CCDC175: variants seen among roughly 807,000 people sequenced by gnomAD.
The protein encoded by CCDC175 is coiled-coil domain containing 175, also known as coiled-coil domain-containing protein 175.
Under a neutral mutation model 114.6 loss-of-function variants are expected in CCDC175, and 100 were observed. That is an observed-to-expected ratio of 0.87 (90% CI 0.74 to 1.03). The LOEUF is 1.03. CCDC175 is among the 50% of genes least tolerant of loss of function. The pLI, the probability that CCDC175 is intolerant of heterozygous loss-of-function variation, is 0.00. For synonymous variants in CCDC175, 306 were observed against 308.7 expected, an observed-to-expected ratio of 0.99 and a Z score of 0.09; for missense variants, 880 against 917.8, an observed-to-expected ratio of 0.96 and a Z score of 0.53.
chr14:59,575,708 C>T (rs1454428745), intron 1 of CCDC175, among the ~76,000 whole-genome samples: 1 of 152,074 alleles, frequency 6.6e-6, no homozygotes, highest in Non-Finnish European at 1.5e-5. Context: ...CGGGGTTTCA[C>T]CATGTTGGCC....
At chr14:59,553,027 T>C (rs994267234) in intron 7 of CCDC175, among the ~76,000 whole-genome samples, 1 of 152,106 alleles carries the variant, frequency 6.6e-6, no homozygotes, top group African/African-American at 2.4e-5. Context: ...TGGAACCAAG[T>C]TGGAAAACAC....
At chr14:59,540,543 A>G (rs1894711531) in intron 11 of CCDC175, 132 bp downstream of exon 11, 2 of 1,018,430 alleles carry the variant, frequency 2.0e-6, no homozygotes, top group Non-Finnish European at 1.4e-6. Context: ...GAGAGAATTT[A>G]CACATAATTT....
intron 8 of CCDC175, 97 bp downstream of exon 8, chr14:59,551,258 A>G (rs1471120432): frequency 3.2e-6 from 2 of 616,284 alleles, no homozygotes; most frequent in Non-Finnish European, 2.5e-6. Context: ...AATGAAAAAC[A>G]TCCTTTTGAA....
chr14:59,519,154 A>G (rs1893280520), intron 17 of CCDC175, among the ~76,000 whole-genome samples: 1 of 152,060 alleles, frequency 6.6e-6, no homozygotes, highest in Non-Finnish European at 1.5e-5. Context: ...AACATCACAT[A>G]CCAGGGCCTG....
chr14:59,533,526 T>C (rs1894193087), intron 13 of CCDC175, among the ~76,000 whole-genome samples: 2 of 152,206 alleles, frequency 1.3e-5, no homozygotes. Flanking sequence ...CCTTAACTAA[T>C]ACACCGATAT....
chr14:59,547,822 C>T (rs1022354410), intron 8 of CCDC175, among the ~76,000 whole-genome samples: 1 of 152,048 alleles, frequency 6.6e-6, no homozygotes, highest in Non-Finnish European at 1.5e-5. Context: ...AACTGGACTT[C>T]ATTAAAATTA....
At chr14:59,542,777 C>G (rs1467347109) in intron 10 of CCDC175, among the ~76,000 whole-genome samples, 1 of 151,874 alleles carries the variant, frequency 6.6e-6, no homozygotes, top group African/African-American at 2.4e-5. Flanking sequence ...AACATTTTAC[C>G]TTATTTGTTT....
At chr14:59,538,612 C>CT (rs1894556088) in intron 12 of CCDC175, 93 bp downstream of exon 12, 1 of 1,098,832 alleles carries the variant, frequency 9.1e-7, no homozygotes, top group Non-Finnish European at 1.2e-6. Context: ...AAGGAAAATA[C>CT]TTTTTAATAA....
At position 59,540,763 on chromosome 14, in the gene CCDC175, A is replaced by T. The variant is rs1894737065; in HGVS notation, c.1284-17T>A. 6.6e-7 allele frequency: 1 copy of T among 1,520,402 alleles called. No individual in the cohort carries two copies. Among genetic ancestry groups the T allele is most frequent in the Admixed American group, 2.1e-5 (1 of 48,280 alleles). 94.2% of individuals were successfully genotyped at this position (1,520,402 alleles called of 1,614,324 possible). A position where few individuals can be genotyped will look rare whatever the true frequency, so the allele number is the denominator to read the frequency against. ...TTTGTTGCTCTAAAAAGAAAAACAT[A>T]TTGGATTTTGCATTTATGGGAGCTG... On this transcript the variant is annotated splice_polypyrimidine_tract_variant and intron_variant, in intron 10 of 19. Transcript: ENST00000537690.
chr14:59,555,702 A>T (rs1895849671), intron 7 of CCDC175, among the ~76,000 whole-genome samples: 1 of 152,352 alleles, frequency 6.6e-6, no homozygotes, highest in South Asian at 2.1e-4. Context: ...ACATGATTGT[A>T]TATTTAGAAA....
At chr14:59,510,917 G>T (rs1050679509) in intron 18 of CCDC175, 109 bp from the exon 19 acceptor site, 3 of 943,048 alleles carry the variant, frequency 3.2e-6, no homozygotes, top group Non-Finnish European at 4.6e-6. Flanking sequence ...TGCATAATTG[G>T]TATCAGTCAT....
chr14:59,569,925 T>C (rs1896754867), intron 3 of CCDC175, among the ~76,000 whole-genome samples: 1 of 152,022 alleles, frequency 6.6e-6, no homozygotes, highest in African/African-American at 2.4e-5. Flanking sequence ...TGAGATACGG[T>C]GCTCAAGGAA....
chr14:59,558,281 G>C (rs1896033139), intron 7 of CCDC175, among the ~76,000 whole-genome samples: 1 of 152,146 alleles, frequency 6.6e-6, no homozygotes, highest in South Asian at 2.1e-4. Flanking sequence ...AACAGGGGAA[G>C]ATTATTTAAG....
chr14:59,521,553 A>G (rs747124085), intron 17 of CCDC175, 21 bp downstream of exon 17: 1 of 1,365,446 alleles, frequency 7.3e-7, no homozygotes, highest in South Asian at 1.3e-5. Context: ...TGACTAATAC[A>G]AGCACCCACA....
intron 7 of CCDC175, 40 bp from the exon 8 acceptor site, chr14:59,551,476 T>C (rs1303758533): frequency 7.3e-6 from 8 of 1,090,950 alleles, no homozygotes; most frequent in Non-Finnish European, 1.0e-5. Flanking sequence ...TATAAGAACA[T>C]ACTTTTGAAT....
intron 7 of CCDC175, among the ~76,000 whole-genome samples, chr14:59,555,715 C>T (rs888308326): frequency 1.3e-5 from 2 of 152,112 alleles, no homozygotes; most frequent in African/African-American, 2.4e-5. Flanking sequence ...TTTAGAAAAC[C>T]CCATTGTCTC....
At chr14:59,571,318 G>A (rs1896838255) in intron 3 of CCDC175, among the ~76,000 whole-genome samples, 1 of 152,154 alleles carries the variant, frequency 6.6e-6, no homozygotes, top group Admixed American at 6.5e-5. Flanking sequence ...TCAACAGAGT[G>A]AAAAGGCAAC....
intron 3 of CCDC175, 104 bp downstream of exon 3, chr14:59,572,598 G>T: frequency 1.7e-6 from 1 of 600,726 alleles, no homozygotes; most frequent in Non-Finnish European, 2.8e-6. Flanking sequence ...ATGCTTTCTA[G>T]CTCTATCTTA....
intron 19 of CCDC175, among the ~76,000 whole-genome samples, chr14:59,505,989 CA>C (rs1298212416): frequency 6.6e-6 from 1 of 152,058 alleles, no homozygotes; most frequent in Non-Finnish European, 1.5e-5. Context: ...CTTAAATTCT[CA>C]AAGAGGATTT....
Sources: allele counts gnomAD v4.1 joint callset (sites outside exome capture counted in the v4.1 genomes callset), GRCh38; gene constraint gnomAD v4.1.1; transcripts MANE v1.5; gene names NCBI Gene and HGNC (gene_info 2026-07-23, HGNC 2026-07-21).